DAZAP1: variants seen among roughly 807,000 people sequenced by gnomAD.
DAZAP1 encodes DAZ-associated protein 1.
A neutral mutation model predicts 60.1 loss-of-function variants in DAZAP1; 6 were observed. That is an observed-to-expected ratio of 0.10 (90% CI 0.05 to 0.20). The LOEUF (loss-of-function observed/expected upper bound fraction) is 0.20, where lower values mean the gene tolerates loss of function less well. DAZAP1 is among the 10% of genes least tolerant of loss of function. DAZAP1 has a pLI of 1.00. For missense variants in DAZAP1, 366 were observed against 560.4 expected (o/e 0.65, Z 3.50); for synonymous variants, 235 against 215.9 (o/e 1.09, Z -0.78).
intron 1 of DAZAP1, among the ~76,000 whole-genome samples, chr19:1,411,392 G>T (rs1297115855): frequency 2.0e-5 from 3 of 152,198 alleles, no homozygotes; most frequent in Non-Finnish European, 2.9e-5. Flanking sequence ...GTGTCCTGCT[G>T]GGGGGAGAGC....
intron 1 of DAZAP1, among the ~76,000 whole-genome samples, chr19:1,409,304 T>G (rs2082757403): frequency 1.3e-5 from 2 of 152,028 alleles, no homozygotes; most frequent in Admixed American, 1.3e-4. Context: ...GTACCTGGAT[T>G]AGGTCCATTC....
chr19:1,412,458 C>A (rs2082858362), intron 1 of DAZAP1, among the ~76,000 whole-genome samples: 1 of 152,216 alleles, frequency 6.6e-6, no homozygotes, highest in Non-Finnish European at 1.5e-5. Flanking sequence ...CTGGCGGAGC[C>A]CAGAGCCAGG....
At chr19:1,419,429 C>T (rs1457618465) in intron 4 of DAZAP1, among the ~76,000 whole-genome samples, 2 of 152,216 alleles carry the variant, frequency 1.3e-5, no homozygotes, top group African/African-American at 2.4e-5. Flanking sequence ...TATGTATTTA[C>T]ATCCATCTCT....
chr19:1,411,973 G>A (rs139721802), intron 1 of DAZAP1, among the ~76,000 whole-genome samples: 1 of 152,370 alleles, frequency 6.6e-6, no homozygotes, highest in African/African-American at 2.4e-5. Flanking sequence ...AGGGCTTTTG[G>A]CAGAGGCCAG....
At chr19:1,421,323 T>C in intron 5 of DAZAP1, 65 bp downstream of exon 5, 13 of 1,473,676 alleles carry the variant, frequency 8.8e-6, no homozygotes, top group Admixed American at 1.7e-5. Flanking sequence ...GCCTGGGCCT[T>C]CTTGGGGCTG....
At position 1,422,403 on chromosome 19, in the gene DAZAP1, G is replaced by A; in HGVS notation, c.463+7G>A. The A allele has an allele frequency of 1.9e-6, 3 of 1,613,594 alleles. No individual in the cohort carries two copies. Among genetic ancestry groups the A allele is most frequent in the Non-Finnish European group, 2.5e-6 (3 of 1,179,688 alleles). On this transcript the variant is annotated splice_region_variant and intron_variant, in intron 6 of 11. Coordinates refer to ENST00000233078, the MANE Select transcript of DAZAP1 (RefSeq NM_018959.4). This position sits in a 1 kb window ranked among gnomAD's most constrained non-coding sequence, Gnocchi z 4.5. ...GAGAAGCAGAGGCCCCGAGGTAAGGGCAGATCTAGTTTGACCTCGGCCTTC... is the reference window on the plus strand; with the variant it reads ...GAGAAGCAGAGGCCCCGAGGTAAGGACAGATCTAGTTTGACCTCGGCCTTC...
At chr19:1,408,467 G>A (rs1277170366) in intron 1 of DAZAP1, among the ~76,000 whole-genome samples, 3 of 152,226 alleles carry the variant, frequency 2.0e-5, no homozygotes, top group South Asian at 2.1e-4. Context: ...GGCGAGCCGA[G>A]GCGAGGGTTC....
At chr19:1,408,094 G>A (rs1173461623) in intron 1 of DAZAP1, among the ~76,000 whole-genome samples, 1 of 152,020 alleles carries the variant, frequency 6.6e-6, no homozygotes, top group Non-Finnish European at 1.5e-5. Context: ...AGACTTCCTG[G>A]TCGGGGGAAC....
chr19:1,415,378 TGTGTGTGTGTG>T (rs1203562669), intron 1 of DAZAP1, among the ~76,000 whole-genome samples: 1 of 148,058 alleles, frequency 6.8e-6, no homozygotes, highest in African/African-American at 2.5e-5. Flanking sequence ...TGTGTGTGTG[TGTGTGTGTGTG>T]TTTTGTTTTT....
rs1015621059 is a variant in DAZAP1 at position 1,432,134 on chromosome 19, G to T, written c.872-380G>T. ...AGCACGTCAGGATGCTCCCTTGCCT[G>T]TGCTGGCAGCTTCCTAAACATGGGG... On this transcript the variant is annotated intron_variant, in intron 10 of 11. Coordinates refer to ENST00000233078, the MANE Select transcript of DAZAP1 (RefSeq NM_018959.4). This position sits in a 1 kb window ranked among gnomAD's most constrained non-coding sequence, Gnocchi z 4.9. 1 of 267,396 alleles carries T rather than the reference G, an allele frequency of 3.7e-6. No homozygotes were observed. Among genetic ancestry groups the T allele is most frequent in the Non-Finnish European group, 7.2e-6 (1 of 137,964 alleles). The allele number at this position is 267,396 out of a possible 1,614,324, so 16.6% of individuals were successfully genotyped here.
rs942247070 is a variant in DAZAP1 at position 1,433,419 on chromosome 19, T to C, written c.1048+729T>C. 2.6e-6 allele frequency: 1 copy of C among 377,486 alleles called. No homozygotes were observed. Among genetic ancestry groups the C allele is most frequent in the Non-Finnish European group, 4.9e-6 (1 of 202,060 alleles). The allele number at this position is 377,486 out of a possible 1,614,324, so 23.4% of individuals were successfully genotyped here. On this transcript the variant is annotated intron_variant, in intron 11 of 11. Transcript: ENST00000233078. This position sits in a 1 kb window ranked among gnomAD's most constrained non-coding sequence, Gnocchi z 6.1. ...GCAGGGTTTGAGAACATGGGGCACC[T>C]GTCTGCAGGTGGCCACGGGCTTCCG...
In DAZAP1 at chr19:1,428,800, G is replaced by C. The variant is rs761521363; in HGVS notation, c.547-42G>C. On this transcript the variant is annotated intron_variant, in intron 7 of 11. Transcript: ENST00000233078. The surrounding 1 kb of genome is among the most constrained non-coding windows in gnomAD (Gnocchi z 4.0). ...TGTGTCTAAAGGGAAGGGGGTGCTGGGACCCGCAGCCTCGCCCTAAACCAG... is the reference window on the plus strand; with the variant it reads ...TGTGTCTAAAGGGAAGGGGGTGCTGCGACCCGCAGCCTCGCCCTAAACCAG... The C allele has an allele frequency of 1.2e-6, 2 of 1,610,584 alleles. No individual in the cohort carries two copies. Among genetic ancestry groups the C allele is most frequent in the Non-Finnish European group, 1.7e-6 (2 of 1,178,646 alleles).
rs1249700533 is a variant in DAZAP1 at position 1,418,275 on chromosome 19, A to T, written c.142A>T (p.Asn48Tyr). The T allele has an allele frequency of 6.2e-7, 1 of 1,614,228 alleles. No individual in the cohort carries two copies. Among genetic ancestry groups the T allele is most frequent in the Admixed American group, 1.7e-5 (1 of 60,032 alleles). ...TGTTATCATGAAAGATAAAACCACC[A>T]ACCAGTCTCGAGGCTTTGGGTTTGT... ...DCVIMKDKTT[N>Y]QSRGFGFVKF... is the part of the protein sequence containing the mutation. Residue 48 changes from asparagine (N) to tyrosine (Y), a missense_variant, in exon 3 of 12, where the codon AAC becomes TAC. Asn to Tyr is a moderately radical substitution (Grantham distance 143). Coordinates refer to ENST00000233078, the MANE Select transcript of DAZAP1 (RefSeq NM_018959.4). The surrounding 1 kb of genome is among the most constrained non-coding windows in gnomAD (Gnocchi z 5.7).
At chr19:1,431,294 A>C (rs1001927944) in intron 10 of DAZAP1, among the ~76,000 whole-genome samples, 3 of 149,698 alleles carry the variant, frequency 2.0e-5, no homozygotes, top group Non-Finnish European at 3.0e-5. Context: ...ACGCCTGGCT[A>C]ATTTTTTTGT....
rs1296747010 is a variant in DAZAP1 at position 1,432,637 on chromosome 19, C to T, written c.995C>T (p.Pro332Leu). 8 of 1,613,356 alleles carry T rather than the reference C, an allele frequency of 5.0e-6. No individual in the cohort carries two copies. The highest frequency in any genetic ancestry group is 1.7e-5 in the Admixed American group (1 of 59,996). Residue 332 changes from proline (P) to leucine (L), a missense_variant, in exon 11 of 12, where the codon CCG becomes CTG. Physicochemically the swap from Pro to Leu is moderately conservative, Grantham distance 98 (BLOSUM62 -3). Around this residue, in one of 3 missense-constraint regions of DAZAP1, gnomAD observed 240 missense variants for 308.8 expected, o/e 0.78. Coordinates refer to ENST00000233078, the MANE Select transcript of DAZAP1 (RefSeq NM_018959.4). This position sits in a 1 kb window ranked among gnomAD's most constrained non-coding sequence, Gnocchi z 4.9. Reference protein sequence around the residue: ...AFPPPPSQAAPDMSKPPTAQP... With the variant: ...AFPPPPSQAALDMSKPPTAQP... ...CCACCGCCTCCGTCTCAGGCTGCCC[C>T]GGACATGAGCAAGCCCCCGACAGCT...
chr19:1,429,216 C>A (rs759069188), intron 8 of DAZAP1, among the ~76,000 whole-genome samples: 1 of 152,256 alleles, frequency 6.6e-6, no homozygotes, highest in South Asian at 2.1e-4. Flanking sequence ...CTTAGGTGCC[C>A]GTCCGGGGCC....
rs1002784984 is a variant in DAZAP1, at chr19:1,423,994, G to A, written c.463+1598G>A. Among the ~76,000 whole-genome samples the A allele has an allele frequency of 3.9e-5, 6 of 152,180 alleles. No homozygotes were observed. The highest frequency in any genetic ancestry group is 7.4e-5 in the Non-Finnish European group (5 of 68,016). On this transcript the variant is annotated intron_variant, in intron 6 of 11. Coordinates refer to ENST00000233078, the MANE Select transcript of DAZAP1 (RefSeq NM_018959.4). The surrounding 1 kb of genome is among the most constrained non-coding windows in gnomAD (Gnocchi z 6.8). ...GAGTGGAGGGCCGGAGAGACGCTGC[G>A]GCGCTGCTTAGCGGGTCCTCCCAGA...
chr19:1,422,421 C>T lies in DAZAP1; in HGVS notation c.463+25C>T, dbSNP rs374610696. 31 of 1,610,802 alleles carry T rather than the reference C, an allele frequency of 1.9e-5. No homozygotes were observed. The highest frequency in any genetic ancestry group is 1.6e-4 in the Middle Eastern group (1 of 6,076). On this transcript the variant is annotated intron_variant, in intron 6 of 11. Transcript: ENST00000233078. This position sits in a 1 kb window ranked among gnomAD's most constrained non-coding sequence, Gnocchi z 4.5. The stretch of plus-strand genomic sequence containing the variant: ...GGTAAGGGCAGATCTAGTTTGACCT[C>T]GGCCTTCTCCCTGCTCCTCCCTCAG...
Position 1,430,254 on chromosome 19 carries a change from G to GGAC in DAZAP1, c.763_764insGAC (p.Ala255delinsGlyPro). 7.7e-7 allele frequency: 1 copy of GGAC among 1,295,270 alleles called. No homozygotes were observed. Among genetic ancestry groups the GGAC allele is most frequent in the Admixed American group, 2.0e-5 (1 of 48,784 alleles). The allele number at this position is 1,295,270 out of a possible 1,614,324, so 80.2% of individuals were successfully genotyped here. On this transcript the variant is annotated protein_altering_variant, in exon 10 of 12. Transcript: ENST00000233078. ...TGGACCGCCCCCTGCAGGAAGAGGA[G>GGAC]CCCCCCCGCCACCCCCACCGTTCAC...
Sources: gnomAD v4.1 joint callset for allele counts (sites outside exome capture counted in the v4.1 genomes callset) on GRCh38, gnomAD v4.1.1 for gene constraint, gnomAD v4.1.1 regional missense constraint, Gnocchi (gnomAD v3.1) non-coding constraint, MANE v1.5 for transcripts, NCBI Gene and HGNC (gene_info 2026-07-23, HGNC 2026-07-21) for gene names.